The following SHISA6 variants were observed in gnomAD, a reference collection of about 807,000 sequenced individuals.
SHISA6 encodes shisa family member 6.
In SHISA6, 22 loss-of-function variants were observed where a neutral mutation model predicts 47.9. That is an observed-to-expected ratio of 0.46 (90% confidence interval 0.33 to 0.66). The LOEUF is 0.66. Among genes scored for constraint, SHISA6 ranks in the 30% least tolerant of loss-of-function variants. SHISA6 has a pLI of 0.02. For missense variants in SHISA6, 680 were observed against 764.6 expected, an observed-to-expected ratio of 0.89 and a Z score of 1.30; for synonymous variants, 388 against 337.8, an observed-to-expected ratio of 1.15 and a Z score of -1.63.
At chr17:11,268,140 T>A (rs1908497822) in intron 2 of SHISA6, among the ~76,000 whole-genome samples, 1 of 152,208 alleles carries the variant, frequency 6.6e-6, no homozygotes, top group African/African-American at 2.4e-5. Context: ...AACTTCACTT[T>A]ATCAAGAGTG....
At chr17:11,280,646 A>G (rs550079252) in intron 2 of SHISA6, among the ~76,000 whole-genome samples, 4 of 152,360 alleles carry the variant, frequency 2.6e-5, no homozygotes, top group African/African-American at 7.2e-5. Context: ...GATATTGACT[A>G]TGACCTTTAA....
At position 11,241,588 on chromosome 17, in the gene SHISA6, C is replaced by T; in HGVS notation, c.166C>T (p.Arg56Cys). The change falls in exon 1 of 6, where the codon CGC (arginine) becomes TGC (cysteine). Residue 56 changes from arginine (R) to cysteine (C), a missense_variant. Coordinates refer to ENST00000441885, the MANE Select transcript of SHISA6 (RefSeq NM_207386.4). This position sits in a 1 kb window ranked among gnomAD's most constrained non-coding sequence, Gnocchi z 5.5. The stretch of plus-strand genomic sequence containing the variant: ...CGGGGGCGCCCTGGCACGGGGCGGC[C>T]GCGAGCTGAACGGCACCGCCCGGGC... Reference protein sequence around the residue: ...RAGGALARGGRELNGTARAPG... With the variant: ...RAGGALARGGCELNGTARAPG... 8.5e-7 allele frequency: 1 copy of T among 1,170,794 alleles called. No homozygotes were observed. The allele number at this position is 1,170,794 out of a possible 1,614,324, so 72.5% of individuals were successfully genotyped here.
Position 11,272,956 on chromosome 17 carries a change from T to A in SHISA6, c.799+9430T>A, listed in dbSNP as rs532344389. Among the ~76,000 whole-genome samples, 93 of 152,180 alleles carry A rather than the reference T, an allele frequency of 6.1e-4. 1 individual carries two copies. Among genetic ancestry groups the A allele is most frequent in the Non-Finnish European group, 1.0e-3 (70 of 68,028 alleles). ...GGAGTGTGATGCCTGAGTTCCTGTGTCTTGTTGTAGACACTCGTGCCCCTG... is the reference window on the plus strand; with the variant it reads ...GGAGTGTGATGCCTGAGTTCCTGTGACTTGTTGTAGACACTCGTGCCCCTG... On this transcript the variant is annotated intron_variant, in intron 2 of 5. Transcript: ENST00000441885.
chr17:11,509,196 C>A (rs1203927314), intron 3 of SHISA6, among the ~76,000 whole-genome samples: 3 of 152,148 alleles, frequency 2.0e-5, no homozygotes, highest in African/African-American at 4.8e-5. Flanking sequence ...TTTAGGCCAA[C>A]CCTGGGCATG....
chr17:11,330,627 A>G lies in SHISA6; in HGVS notation c.800-48787A>G, dbSNP rs113247429. Among the ~76,000 whole-genome samples the G allele has an allele frequency of 4.1e-3, 617 of 152,266 alleles. 7 individuals carry two copies. The highest frequency in any genetic ancestry group is 0.014 in the African/African-American group (575 of 41,542). ...AGATGCAGACAAATCACCTTCCCTG[A>G]GCTTCCCTGGGGTCCAAGTTAAAAG... is the stretch of plus-strand genomic sequence containing the variant. On this transcript the variant is annotated intron_variant, in intron 2 of 5. Coordinates refer to ENST00000441885, the MANE Select transcript of SHISA6 (RefSeq NM_207386.4).
intron 3 of SHISA6, among the ~76,000 whole-genome samples, chr17:11,448,307 A>C (rs1010352281): frequency 8.6e-5 from 13 of 151,764 alleles, no homozygotes; most frequent in African/African-American, 3.1e-4. Flanking sequence ...AAGGCAGGAG[A>C]ATCTCCTGTG....
chr17:11,277,278 T>A (rs868000009), intron 2 of SHISA6, among the ~76,000 whole-genome samples: 8,325 of 51,094 alleles, frequency 0.16, 153 homozygotes, highest in Non-Finnish European at 0.19. Context: ...TCTCTCTCTC[T>A]CTCACACACA....
intron 2 of SHISA6, among the ~76,000 whole-genome samples, chr17:11,344,711 C>T (rs1340626749): frequency 2.0e-5 from 3 of 152,072 alleles, no homozygotes; most frequent in Admixed American, 6.6e-5. Context: ...TACCTGTATA[C>T]GACGTGTCTA....
chr17:11,552,697 G>GA (rs1333307477), intron 4 of SHISA6, among the ~76,000 whole-genome samples: 6 of 152,348 alleles, frequency 3.9e-5, no homozygotes, highest in South Asian at 4.1e-4. Flanking sequence ...CTGGTAGAGA[G>GA]ACCTACCACT....
At chr17:11,381,096 G>A (rs868488973) in intron 3 of SHISA6, among the ~76,000 whole-genome samples, 5 of 152,132 alleles carry the variant, frequency 3.3e-5, no homozygotes, top group Non-Finnish European at 7.3e-5. Flanking sequence ...GGGCCAATTC[G>A]GAGGCCAGCT....
chr17:11,251,366 A>G (rs922610960), intron 1 of SHISA6, among the ~76,000 whole-genome samples: 2 of 152,090 alleles, frequency 1.3e-5, no homozygotes, highest in African/African-American at 2.4e-5. Flanking sequence ...GGCTGAGGAT[A>G]GCAAAGGCAA....
At chr17:11,450,527 C>CA (rs1216505507) in intron 3 of SHISA6, among the ~76,000 whole-genome samples, 1 of 151,886 alleles carries the variant, frequency 6.6e-6, no homozygotes, top group African/African-American at 2.4e-5. Flanking sequence ...GGTGTGGTGG[C>CA]AAGCACCTGT....
intron 1 of SHISA6, among the ~76,000 whole-genome samples, chr17:11,261,387 G>A (rs931903810): frequency 6.6e-5 from 10 of 152,212 alleles, no homozygotes; most frequent in African/African-American, 2.4e-4. Flanking sequence ...CCTCTCTCTT[G>A]GCTGTGCTGA....
intron 3 of SHISA6, among the ~76,000 whole-genome samples, chr17:11,467,722 T>A (rs185094962): frequency 6.6e-6 from 1 of 152,314 alleles, no homozygotes; most frequent in African/African-American, 2.4e-5. Context: ...TTGTAGCTCC[T>A]GTTGATGTAA....
chr17:11,300,149 C>CAAAAAAAAAAAAAAAAAA (rs56060137), intron 2 of SHISA6, among the ~76,000 whole-genome samples: 1 of 129,158 alleles, frequency 7.7e-6, no homozygotes. Flanking sequence ...CATCTTAAAA[C>CAAAAAAAAAAAAAAAAAA]AAAAAAAAAA....
intron 1 of SHISA6, among the ~76,000 whole-genome samples, chr17:11,255,592 C>T (rs1010056982): frequency 2.6e-5 from 4 of 152,174 alleles, no homozygotes; most frequent in African/African-American, 9.7e-5. Flanking sequence ...GCTCTCTTTG[C>T]CTTTGGCTGT....
chr17:11,350,495 G>A (rs1192840663), intron 2 of SHISA6, among the ~76,000 whole-genome samples: 1 of 151,730 alleles, frequency 6.6e-6, no homozygotes, highest in East Asian at 1.9e-4. Context: ...CCCATTTAAG[G>A]GTCAGCTTAT....
chr17:11,302,320 A>G (rs1192669825), intron 2 of SHISA6, among the ~76,000 whole-genome samples: 4 of 152,198 alleles, frequency 2.6e-5, no homozygotes, highest in Admixed American at 6.5e-5. Context: ...ACAAAATGTT[A>G]TGCTGGAAGG....
chr17:11,434,507 T>G (rs1477944136), intron 3 of SHISA6, among the ~76,000 whole-genome samples: 1 of 152,174 alleles, frequency 6.6e-6, no homozygotes, highest in Admixed American at 6.5e-5. Context: ...TGACGGCCCC[T>G]AAAATCAATT....
Sources: gnomAD v4.1 joint callset for allele counts (sites outside exome capture counted in the v4.1 genomes callset) on GRCh38, gnomAD v4.1.1 for gene constraint, Gnocchi (gnomAD v3.1) non-coding constraint, MANE v1.5 for transcripts, NCBI Gene and HGNC (gene_info 2026-07-23, HGNC 2026-07-21) for gene names.